PLD4: variants seen among roughly 807,000 people sequenced by gnomAD.
PLD4 encodes 5'-3' exonuclease PLD4.
In PLD4, 54 loss-of-function variants were observed where a neutral mutation model predicts 52.3. That is an observed-to-expected ratio of 1.03 (90% CI 0.83 to 1.30). PLD4 has a LOEUF of 1.30. PLD4 is among the 50% of genes most tolerant of loss of function. PLD4 has a pLI of 0.00. For synonymous variants in PLD4, 264 were observed against 286.5 expected (o/e 0.92, Z 0.79); for missense variants, 731 against 671.1 (o/e 1.09, Z -0.99).
At chr14:104,929,207 C>A in intron 4 of PLD4, 100 bp from the exon 5 acceptor site, 1 of 1,501,568 alleles carries the variant, frequency 6.7e-7, no homozygotes, top group Non-Finnish European at 9.0e-7. Context: ...GAGCTGTGGG[C>A]AGTCATAGGT....
chr14:104,930,351 G>A (rs921840166), intron 6 of PLD4, among the ~76,000 whole-genome samples: 4 of 152,222 alleles, frequency 2.6e-5, no homozygotes, highest in African/African-American at 9.6e-5. Context: ...ACCCAGGGAA[G>A]CATGGAGATT....
chr14:104,935,966 G>A (rs1490259499), downstream of PLD4: 1 of 152,228 alleles, frequency 6.6e-6, no homozygotes, highest in Non-Finnish European at 1.5e-5. Context: ...GCCACACTTG[G>A]GCTCCTGATC....
Position 104,932,653 on chromosome 14 carries a change from G to A in PLD4, c.1322-112G>A. 8.8e-7 allele frequency: 1 copy of A among 1,138,138 alleles called. No individual in the cohort carries two copies. Among genetic ancestry groups the A allele is most frequent in the South Asian group, 1.6e-5 (1 of 61,122 alleles). 70.5% of individuals were successfully genotyped at this position (1,138,138 alleles called of 1,614,324 possible). On this transcript the variant is annotated intron_variant, in intron 10 of 10. Transcript: ENST00000392593. The surrounding 1 kb of genome is among the most constrained non-coding windows in gnomAD (Gnocchi z 6.5). ...CCCCGGCTGGAGTCTGATGACAGTG[G>A]AGGGGCCAGCTGCCAACCGTCCCCA...
In PLD4 at chr14:104,930,066, C is replaced by T; in HGVS notation, c.678C>T (p.Tyr226=). The T allele has an allele frequency of 1.2e-6, 2 of 1,613,582 alleles. No homozygotes were observed. Among genetic ancestry groups the T allele is most frequent in the Non-Finnish European group, 1.7e-6 (2 of 1,179,942 alleles). The change falls in exon 6 of 11, where the codon TAC becomes TAT. Residue 226 remains tyrosine (Y), a synonymous_variant. Coordinates refer to ENST00000392593, the MANE Select transcript of PLD4 (RefSeq NM_138790.5). The part of the protein sequence containing the change: ...KFWVVDGRHI[Y]MGSANMDWRS... The stretch of plus-strand genomic sequence containing the variant: ...GGGTTGTGGATGGACGGCACATATA[C>T]ATGGGCAGTGCCAACATGGACTGGC...
chr14:104,930,134 C>G, intron 6 of PLD4, 29 bp downstream of exon 6: 1 of 1,611,016 alleles, frequency 6.2e-7, no homozygotes, highest in Non-Finnish European at 8.5e-7. Flanking sequence ...ACACAGGAGG[C>G]CTGCCTGAAG....
chr14:104,927,874 A>G lies in PLD4; in HGVS notation c.284+8A>G. On this transcript the variant is annotated splice_region_variant and intron_variant, in intron 3 of 10. Transcript: ENST00000392593. ...GCAGAGGGACTCCTGCCAGTAAGTG[A>G]GCCCATGGAGGCCTGCGGGGGCAGG... The G allele has an allele frequency of 6.4e-7, 1 of 1,558,550 alleles. No homozygotes were observed. Among genetic ancestry groups the G allele is most frequent in the Non-Finnish European group, 8.7e-7 (1 of 1,153,560 alleles).
intron 1 of PLD4, among the ~76,000 whole-genome samples, chr14:104,925,326 C>T (rs1003810692): frequency 6.6e-6 from 1 of 152,248 alleles, no homozygotes; most frequent in Non-Finnish European, 1.5e-5. Context: ...CAGGGGGCTA[C>T]AGCCCTACTC....
Position 104,928,870 on chromosome 14 carries a change from G to T in PLD4, c.406G>T (p.Ala136Ser), listed in dbSNP as rs1331025893. Residue 136 changes from alanine to serine, a missense_variant, in exon 4 of 11, where the codon GCT (alanine) becomes TCT (serine). By Grantham distance (99) the Ala-to-Ser change is moderately conservative (BLOSUM62 1). Transcript: ENST00000392593. ...LDTAQESVHV[A>S]SYYWSLTGPD... ...CACTGCCCAGGAGAGCGTCCACGTGGCTTCATACTACTGGTCCCTCACAGG... is the reference window on the plus strand; with the variant it reads ...CACTGCCCAGGAGAGCGTCCACGTGTCTTCATACTACTGGTCCCTCACAGG... The T allele has an allele frequency of 6.2e-7, 1 of 1,612,050 alleles. No homozygotes were observed. The highest frequency in any genetic ancestry group is 8.5e-7 in the Non-Finnish European group (1 of 1,179,256).
In PLD4 at chr14:104,927,701, T is replaced by C; in HGVS notation, c.119T>C (p.Leu40Pro). 6.3e-7 allele frequency: 1 copy of C among 1,598,810 alleles called. No homozygotes were observed. The highest frequency in any genetic ancestry group is 8.5e-7 in the Non-Finnish European group (1 of 1,176,150). ...CAGGTCCTGGGAGCGCTGGCTGTGC[T>C]GTGGCTGGGCTCCGTGGCTCTTATC... ...TLQVLGALAV[L>P]WLGSVALICL... The change falls in exon 3 of 11, where the codon CTG (leucine) becomes CCG (proline). Residue 40 changes from leucine to proline, a missense_variant. By Grantham distance (98) the Leu-to-Pro change is moderately conservative. Transcript: ENST00000392593.
rs570648047 is a variant in PLD4, at chr14:104,932,197, C to T, written c.1224+20C>T. ...GACGTGGTGAGGGCGTGCTCCCGGC[C>T]GGGCGTGGGAAAGGCGGCCCTCCTG... On this transcript the variant is annotated intron_variant, in intron 9 of 10. Transcript: ENST00000392593. The surrounding 1 kb of genome is among the most constrained non-coding windows in gnomAD (Gnocchi z 6.5). The T allele has an allele frequency of 5.0e-6, 8 of 1,611,798 alleles. No homozygotes were observed. Among genetic ancestry groups the T allele is most frequent in the Non-Finnish European group, 6.8e-6 (8 of 1,179,508 alleles).
In PLD4 at chr14:104,932,360, G is replaced by C; in HGVS notation, c.1321+5G>C. The C allele has an allele frequency of 6.2e-7, 1 of 1,612,348 alleles. No homozygotes were observed. Among genetic ancestry groups the C allele is most frequent in the Non-Finnish European group, 8.5e-7 (1 of 1,179,638 alleles). ...CGGAGAAGGCAGCCTACATAGGTGA[G>C]CGCGATCAGATCACGGCGGGCGGGC... On this transcript the variant is annotated splice_donor_5th_base_variant and intron_variant, in intron 10 of 10. Transcript: ENST00000392593. This position sits in a 1 kb window ranked among gnomAD's most constrained non-coding sequence, Gnocchi z 6.5.
chr14:104,931,046 C>G, intron 7 of PLD4, 104 bp downstream of exon 7: 1 of 1,324,680 alleles, frequency 7.5e-7, no homozygotes, highest in Non-Finnish European at 1.1e-6. Flanking sequence ...CCAGCAGCAT[C>G]AGCTGGGTCC....
rs1289163808 is a variant in PLD4, at chr14:104,932,181, A to G, written c.1224+4A>G. 1.2e-6 allele frequency: 2 copies of G among 1,611,412 alleles called. No homozygotes were observed. The highest frequency in any genetic ancestry group is 2.7e-5 in the African/African-American group (2 of 74,890). Reference sequence around the variant, plus strand: ...GGCCAACGTCTCTGTGGACGTGGTGAGGGCGTGCTCCCGGCCGGGCGTGGG... The same window carrying G: ...GGCCAACGTCTCTGTGGACGTGGTGGGGGCGTGCTCCCGGCCGGGCGTGGG... On this transcript the variant is annotated splice_donor_region_variant and intron_variant, in intron 9 of 10. Transcript: ENST00000392593. This position sits in a 1 kb window ranked among gnomAD's most constrained non-coding sequence, Gnocchi z 6.5.
chr14:104,932,543 A>G lies in PLD4; in HGVS notation c.1321+188A>G, dbSNP rs986722742. On this transcript the variant is annotated intron_variant, in intron 10 of 10. Transcript: ENST00000392593. The surrounding 1 kb of genome is among the most constrained non-coding windows in gnomAD (Gnocchi z 6.5). ...ACCTGGCCCCACAGGGCCCCAGAAC[A>G]CTGAGTCAGGACGCCTGTCCCCAAG... Among the ~76,000 whole-genome samples the G allele has an allele frequency of 2.6e-5, 4 of 152,172 alleles. No individual in the cohort carries two copies. The highest frequency in any genetic ancestry group is 9.6e-5 in the African/African-American group (4 of 41,458).
At position 104,931,863 on chromosome 14, in the gene PLD4, C is replaced by T. The variant is rs370109622; in HGVS notation, c.1034C>T (p.Thr345Ile). ...IYASVMEYFPTTRFSHPPRYW... is the reference protein window; with the variant it reads ...IYASVMEYFPITRFSHPPRYW... ...GCCTCCGTGATGGAGTATTTCCCCA[C>T]CACGCGCTTCAGCCACCCCCCGAGG... The change falls in exon 8 of 11, where the codon ACC (threonine) becomes ATC (isoleucine). Residue 345 changes from threonine (T) to isoleucine (I), a missense_variant. Coordinates refer to ENST00000392593, the MANE Select transcript of PLD4 (RefSeq NM_138790.5). 73 of 1,544,764 alleles carry T rather than the reference C, an allele frequency of 4.7e-5. No individual in the cohort carries two copies. Among genetic ancestry groups the T allele is most frequent in the South Asian group, 3.7e-5 (3 of 81,434 alleles).
chr14:104,929,006 G>C lies in PLD4; in HGVS notation c.468+74G>C, dbSNP rs921515057. ...AGTCAGGCTGCCTATCTATGCAGGC[G>C]TCTCGGGCACCAGGCCCGGGGGCTC... On this transcript the variant is annotated intron_variant, in intron 4 of 10. Coordinates refer to ENST00000392593, the MANE Select transcript of PLD4 (RefSeq NM_138790.5). 6 of 1,504,090 alleles carry C rather than the reference G, an allele frequency of 4.0e-6. No homozygotes were observed. In the African/African-American group the frequency reaches 4.2e-5, roughly 10 times the overall value. 93.2% of individuals were successfully genotyped at this position (1,504,090 alleles called of 1,614,324 possible). A position where few individuals can be genotyped will look rare whatever the true frequency, so the allele number is the denominator to read the frequency against.
chr14:104,931,744 A>C lies in PLD4; in HGVS notation c.919-4A>C. 1.9e-6 allele frequency: 3 copies of C among 1,584,436 alleles called. No individual in the cohort carries two copies. Among genetic ancestry groups the C allele is most frequent in the Non-Finnish European group, 2.6e-6 (3 of 1,166,582 alleles). On this transcript the variant is annotated splice_polypyrimidine_tract_variant and splice_region_variant and intron_variant, in intron 7 of 10. Transcript: ENST00000392593. ...AGCCTTCAGGGATTTCTCTCCCGTC[A>C]CAGGCGTCGCCACCAGCACTCTGTC...
intron 6 of PLD4, 148 bp from the exon 7 acceptor site, chr14:104,930,594 T>C: frequency 1.3e-6 from 1 of 784,292 alleles, no homozygotes; most frequent in Non-Finnish European, 2.1e-6. Flanking sequence ...CACACTCTAT[T>C]ACAGATTCCT....
intron 6 of PLD4, among the ~76,000 whole-genome samples, chr14:104,930,380 T>C (rs1897603339): frequency 6.6e-6 from 1 of 152,178 alleles, no homozygotes; most frequent in Non-Finnish European, 1.5e-5. Flanking sequence ...CAAGCCTTTT[T>C]AGGAAAAGCA....
Sources: allele counts gnomAD v4.1 joint callset (sites outside exome capture counted in the v4.1 genomes callset), GRCh38; gene constraint gnomAD v4.1.1; non-coding constraint Gnocchi (gnomAD v3.1); transcripts MANE v1.5; gene names NCBI Gene and HGNC (gene_info 2026-07-23, HGNC 2026-07-21).